UNC5C: variants seen among roughly 807,000 people sequenced by gnomAD.
UNC5C encodes the protein netrin receptor UNC5C.
UNC5C carries 47 observed loss-of-function variants against 99.8 expected under a neutral mutation model. That is an observed-to-expected ratio of 0.47 (90% CI 0.37 to 0.60). The LOEUF (loss-of-function observed/expected upper bound fraction) is 0.60, where lower values mean the gene tolerates loss of function less well. UNC5C is among the 20% of genes least tolerant of loss of function. UNC5C has a pLI of 0.00. For synonymous variants in UNC5C, 487 were observed against 452.2 expected (o/e 1.08, Z -0.98); for missense variants, 1,062 against 1,165.9 (o/e 0.91, Z 1.30).
intron 7 of UNC5C, among the ~76,000 whole-genome samples, chr4:95,233,873 T>G (rs1739001527): frequency 6.6e-6 from 1 of 152,026 alleles, no homozygotes; most frequent in African/African-American, 2.4e-5. Flanking sequence ...AGGCAGAAGG[T>G]TGCAGTGAGC....
intron 2 of UNC5C, among the ~76,000 whole-genome samples, chr4:95,312,155 C>T (rs1243144312): frequency 6.6e-6 from 1 of 152,140 alleles, no homozygotes; most frequent in Non-Finnish European, 1.5e-5. Flanking sequence ...CTGTGGGTGA[C>T]ATTCCAGTAT....
intron 1 of UNC5C, among the ~76,000 whole-genome samples, chr4:95,382,103 A>T (rs6824900): frequency 0.58 from 88,715 of 151,838 alleles, 26,337 homozygotes; most frequent in East Asian, 0.71. Flanking sequence ...AGGTTTCAAT[A>T]AGTGTTTGTC....
At chr4:95,386,469 CTT>C (rs1376218147) in intron 1 of UNC5C, among the ~76,000 whole-genome samples, 5 of 152,250 alleles carry the variant, frequency 3.3e-5, no homozygotes, top group Non-Finnish European at 7.4e-5. Context: ...TTATCTCTTT[CTT>C]TACTGCAACA....
chr4:95,532,979 T>A (rs751816676), intron 1 of UNC5C, among the ~76,000 whole-genome samples: 1 of 150,640 alleles, frequency 6.6e-6, no homozygotes, highest in African/African-American at 2.4e-5. Flanking sequence ...CTGACTTCAG[T>A]GTGGAGGTTT....
chr4:95,174,826 T>G (rs1736269192), intron 14 of UNC5C, among the ~76,000 whole-genome samples: 1 of 146,110 alleles, frequency 6.8e-6, no homozygotes, highest in Admixed American at 7.1e-5. Flanking sequence ...TTGATCTGTC[T>G]GATGTTGACA....
rs371784306 is a variant in UNC5C, at chr4:95,404,896, C to G, written c.125-69265G>C. Among the ~76,000 whole-genome samples, 31 of 152,204 alleles carry G rather than the reference C, an allele frequency of 2.0e-4. No individual in the cohort carries two copies. In the South Asian group the frequency reaches 5.0e-3, roughly 24 times the overall value. On this transcript the variant is annotated intron_variant, in intron 1 of 15. Coordinates refer to ENST00000453304, the MANE Select transcript of UNC5C (RefSeq NM_003728.4). The stretch of plus-strand genomic sequence containing the variant: ...AGGGAGAAAAGGAGGAAGATCTGAA[C>G]GCCGAGAGGAGTCTGGCTGGGGGCA...
At chr4:95,341,769 C>T (rs1743589156) in intron 1 of UNC5C, among the ~76,000 whole-genome samples, 1 of 152,076 alleles carries the variant, frequency 6.6e-6, no homozygotes, top group Non-Finnish European at 1.5e-5. Context: ...GTAGGAAAGA[C>T]AGTCTTGAAT....
At chr4:95,236,605 G>GA (rs892058539) in intron 7 of UNC5C, among the ~76,000 whole-genome samples, 4 of 123,556 alleles carry the variant, frequency 3.2e-5, no homozygotes, top group Admixed American at 1.8e-4. Flanking sequence ...ATAAATAAAA[G>GA]AAAAAAAAGA....
At chr4:95,270,130 C>A (rs986061697) in intron 4 of UNC5C, among the ~76,000 whole-genome samples, 1 of 152,132 alleles carries the variant, frequency 6.6e-6, no homozygotes, top group Non-Finnish European at 1.5e-5. Flanking sequence ...TTTCTTATTT[C>A]TCCCACTGGT....
intron 1 of UNC5C, among the ~76,000 whole-genome samples, chr4:95,438,947 C>A (rs1422740020): frequency 6.6e-6 from 1 of 152,122 alleles, no homozygotes; most frequent in Non-Finnish European, 1.5e-5. Flanking sequence ...CATCAATAAA[C>A]GGAGGATAGG....
intron 1 of UNC5C, among the ~76,000 whole-genome samples, chr4:95,514,823 C>T (rs1209661144): frequency 2.0e-5 from 3 of 151,860 alleles, no homozygotes; most frequent in Non-Finnish European, 4.4e-5. Flanking sequence ...TAGGTGGGTG[C>T]CACCATGCCT....
chr4:95,254,996 G>GA (rs1553958163), intron 4 of UNC5C, among the ~76,000 whole-genome samples: 9 of 141,654 alleles, frequency 6.4e-5, no homozygotes, highest in Non-Finnish European at 9.3e-5. Flanking sequence ...GTTGTTTTTT[G>GA]TTTTTTTTTT....
chr4:95,169,104 G>T lies in UNC5C; in HGVS notation c.*130C>A, dbSNP rs548262467. 1.7e-6 allele frequency: 2 copies of T among 1,159,838 alleles called. No homozygotes were observed. The highest frequency in any genetic ancestry group is 2.5e-6 in the Non-Finnish European group (2 of 814,286). 71.8% of individuals were successfully genotyped at this position (1,159,838 alleles called of 1,614,324 possible). ...GGGCAGTTGTATCTGTTTTCCTTCT[G>T]GCTCCTGCTGCAGTCTTGCCTGTGA... On this transcript the variant is annotated 3_prime_UTR_variant, in exon 16 of 16. Transcript: ENST00000453304.
At chr4:95,251,468 T>A (rs1470278634) in intron 4 of UNC5C, among the ~76,000 whole-genome samples, 1 of 152,202 alleles carries the variant, frequency 6.6e-6, no homozygotes, top group Non-Finnish European at 1.5e-5. Context: ...ATGTGAATAA[T>A]ATTAATGTAG....
chr4:95,510,027 C>T (rs76772025), intron 1 of UNC5C, among the ~76,000 whole-genome samples: 7,200 of 151,864 alleles, frequency 0.047, 329 homozygotes, highest in Admixed American at 0.11. Context: ...CCGTATTTTA[C>T]GTAAGGCACA....
chr4:95,351,263 T>A (rs570319590), intron 1 of UNC5C, among the ~76,000 whole-genome samples: 1 of 152,068 alleles, frequency 6.6e-6, no homozygotes, highest in East Asian at 1.9e-4. Context: ...GCAGTGCCTA[T>A]CTTACTCACT....
At chr4:95,505,017 A>G (rs1721877693) in intron 1 of UNC5C, among the ~76,000 whole-genome samples, 1 of 152,132 alleles carries the variant, frequency 6.6e-6, no homozygotes, top group Admixed American at 6.6e-5. Flanking sequence ...GTATTCCAAT[A>G]ATCTCTTACT....
Position 95,213,449 on chromosome 4 carries a change from G to A in UNC5C, c.1733+2675C>T, listed in dbSNP as rs72878171. On this transcript the variant is annotated intron_variant, in intron 10 of 15. Transcript: ENST00000453304. Reference sequence around the variant, plus strand: ...TAGAAATCCTGAGCACAGCCTTGCAGCTCTGCACCCTCTTTGGTCAGAGAC... The same window carrying A: ...TAGAAATCCTGAGCACAGCCTTGCAACTCTGCACCCTCTTTGGTCAGAGAC... 6.2e-3 allele frequency among the ~76,000 whole-genome samples: 941 copies of A among 152,144 alleles called. 8 individuals are homozygous for A. The highest frequency in any genetic ancestry group is 0.022 in the African/African-American group (899 of 41,392).
At chr4:95,294,960 G>A (rs1174902094) in intron 3 of UNC5C, among the ~76,000 whole-genome samples, 1 of 152,098 alleles carries the variant, frequency 6.6e-6, no homozygotes, top group Non-Finnish European at 1.5e-5. Context: ...GGTCACAGTA[G>A]GAAGTCATGG....
Sources: gnomAD v4.1 joint callset for allele counts (sites outside exome capture counted in the v4.1 genomes callset) on GRCh38, gnomAD v4.1.1 for gene constraint, MANE v1.5 for transcripts, NCBI Gene and HGNC (gene_info 2026-07-23, HGNC 2026-07-21) for gene names.